STKLD1: variants seen among roughly 807,000 people sequenced by gnomAD.
The protein encoded by STKLD1 is serine/threonine kinase-like domain-containing protein STKLD1.
Under a neutral mutation model 80.4 loss-of-function variants are expected in STKLD1, and 79 were observed. That is an observed-to-expected ratio of 0.98 (90% confidence interval 0.82 to 1.19). The LOEUF is 1.19. STKLD1 is among the 50% of genes most tolerant of loss of function. The pLI is 0.00. For synonymous variants in STKLD1, 393 were observed against 357.6 expected (o/e 1.10, Z -1.12); for missense variants, 841 against 856.0 (o/e 0.98, Z 0.22).
chr9:133,380,626 C>T (rs926363746), intron 2 of STKLD1, among the ~76,000 whole-genome samples: 1 of 151,966 alleles, frequency 6.6e-6, no homozygotes, highest in Non-Finnish European at 1.5e-5. Context: ...GCACTCCAGC[C>T]TGGGTGACAC....
rs2130272391 is a variant in STKLD1 at position 133,384,270 on chromosome 9, C to G, written c.219+370C>G. On this transcript the variant is annotated intron_variant, in intron 3 of 17. Transcript: ENST00000371957. The surrounding 1 kb of genome is among the most constrained non-coding windows in gnomAD (Gnocchi z 4.3). ...CCTAGCCAACATGGGGAAACCCTGT[C>G]TCAACCAAAAATACAAAAAAATTAG... 5 of 185,134 alleles carry G rather than the reference C, an allele frequency of 2.7e-5. No homozygotes were observed. Among genetic ancestry groups the G allele is most frequent in the Admixed American group, 1.7e-4 (3 of 18,018 alleles). The allele number at this position is 185,134 out of a possible 1,614,324, so 11.5% of individuals were successfully genotyped here. A position where few individuals can be genotyped will look rare whatever the true frequency, so the allele number is the denominator to read the frequency against.
rs1312425631 is a variant in STKLD1, at chr9:133,384,953, A to G, written c.220-664A>G. 6.6e-6 allele frequency among the ~76,000 whole-genome samples: 1 copy of G among 152,160 alleles called. No individual in the cohort carries two copies. The highest frequency in any genetic ancestry group is 1.5e-5 in the Non-Finnish European group (1 of 68,038). On this transcript the variant is annotated intron_variant, in intron 3 of 17. Transcript: ENST00000371957. The surrounding 1 kb of genome is among the most constrained non-coding windows in gnomAD (Gnocchi z 4.3). ...TGCTGGCTCTGGAGCTTGGCCAGCA[A>G]ACATTATTGGGTGTATAGTGTGACC... is the stretch of plus-strand genomic sequence containing the variant.
chr9:133,400,480 C>G lies in STKLD1; in HGVS notation c.1149C>G (p.Leu383=), dbSNP rs143458184. ...CCATGGAGCTACATGACAGGGTCCTCGATGTCCAGCTGTGTGCCTGCTCCC... is the reference window on the plus strand; with the variant it reads ...CCATGGAGCTACATGACAGGGTCCTGGATGTCCAGCTGTGTGCCTGCTCCC... ...VTTMELHDRV[L]DVQLCACSLL... is the part of the protein sequence containing the mutation. Residue 383 remains leucine, a synonymous_variant, in exon 12 of 18, where the codon CTC becomes CTG. Transcript: ENST00000371957. 1 of 1,613,456 alleles carries G rather than the reference C, an allele frequency of 6.2e-7. No individual in the cohort carries two copies. Among genetic ancestry groups the G allele is most frequent in the Non-Finnish European group, 8.5e-7 (1 of 1,180,008 alleles).
chr9:133,399,602 G>A (rs4246171), intron 11 of STKLD1, among the ~76,000 whole-genome samples: 17,923 of 152,236 alleles, frequency 0.12, 1,393 homozygotes, highest in African/African-American at 0.22. Context: ...GCAGCCCAGC[G>A]CAGTGGCTCA....
chr9:133,405,574 G>A lies in STKLD1; in HGVS notation c.*153G>A, dbSNP rs940899220. 32 of 697,406 alleles carry A rather than the reference G, an allele frequency of 4.6e-5. No individual in the cohort carries two copies. The highest frequency in any genetic ancestry group is 7.4e-5 in the African/African-American group (4 of 53,856). 43.2% of individuals were successfully genotyped at this position (697,406 alleles called of 1,614,324 possible). A position where few individuals can be genotyped will look rare whatever the true frequency, so the allele number is the denominator to read the frequency against. ...TCCAAAGAGTTTCCTGTCCATGACTGCTGGATTGAGTCACATGAGTAACTG... is the reference window on the plus strand; with the variant it reads ...TCCAAAGAGTTTCCTGTCCATGACTACTGGATTGAGTCACATGAGTAACTG... On this transcript the variant is annotated 3_prime_UTR_variant, in exon 18 of 18. Transcript: ENST00000371957.
Position 133,395,707 on chromosome 9 carries a change from C to A in STKLD1, c.810C>A (p.Phe270Leu). ...EEKQIPDVET[F>L]RNLLPLMLQI... ...AGCAGATCCCGGATGTGGAAACCTTCAGGAATCTTCTGCCCTTGATGCTCC... is the reference window on the plus strand; with the variant it reads ...AGCAGATCCCGGATGTGGAAACCTTAAGGAATCTTCTGCCCTTGATGCTCC... Residue 270 changes from phenylalanine to leucine, a missense_variant, in exon 9 of 18, where the codon TTC (phenylalanine) becomes TTA (leucine). Physicochemically the swap from Phe to Leu is conservative, Grantham distance 22. Transcript: ENST00000371957. 6.2e-7 allele frequency: 1 copy of A among 1,613,548 alleles called. No homozygotes were observed. The highest frequency in any genetic ancestry group is 8.5e-7 in the Non-Finnish European group (1 of 1,180,016).
In STKLD1 at chr9:133,376,381, G is replaced by A; in HGVS notation, c.-93G>A. On this transcript the variant is annotated 5_prime_UTR_variant, in exon 1 of 18. Coordinates refer to ENST00000371957, the MANE Select transcript of STKLD1 (RefSeq NM_153710.5). The stretch of plus-strand genomic sequence containing the variant: ...AGGGACGCCTGAGTGCCTCGAGGGC[G>A]CCGTTCGGGCGGGGAGGATCCCGCG... The A allele has an allele frequency of 4.2e-6, 6 of 1,414,810 alleles. No homozygotes were observed. The highest frequency in any genetic ancestry group is 4.6e-6 in the Non-Finnish European group (5 of 1,075,582). The allele number at this position is 1,414,810 out of a possible 1,614,324, so 87.6% of individuals were successfully genotyped here.
chr9:133,405,558 T>A lies in STKLD1; in HGVS notation c.*137T>A. On this transcript the variant is annotated 3_prime_UTR_variant, in exon 18 of 18. Transcript: ENST00000371957. ...GGGGTAATCAGACCTCTCCAAAGAG[T>A]TTCCTGTCCATGACTGCTGGATTGA... is the stretch of plus-strand genomic sequence containing the variant. 1 of 850,478 alleles carries A rather than the reference T, an allele frequency of 1.2e-6. No individual in the cohort carries two copies. The highest frequency in any genetic ancestry group is 1.7e-6 in the Non-Finnish European group (1 of 581,188). The allele number at this position is 850,478 out of a possible 1,614,324, so 52.7% of individuals were successfully genotyped here.
In STKLD1 at chr9:133,394,477, T is replaced by C. The variant is rs1838506811; in HGVS notation, c.702+68T>C. 5 of 1,185,500 alleles carry C rather than the reference T, an allele frequency of 4.2e-6. No homozygotes were observed. The highest frequency in any genetic ancestry group is 6.3e-6 in the Non-Finnish European group (5 of 796,686). 73.4% of individuals were successfully genotyped at this position (1,185,500 alleles called of 1,614,324 possible). A position where few individuals can be genotyped will look rare whatever the true frequency, so the allele number is the denominator to read the frequency against. The stretch of plus-strand genomic sequence containing the variant: ...ACGCGCCCAGGCCTGGGGAAAAGGC[T>C]TGGCCTCACCCTGCCTCCCCTCTGC... On this transcript the variant is annotated intron_variant, in intron 8 of 17. Coordinates refer to ENST00000371957, the MANE Select transcript of STKLD1 (RefSeq NM_153710.5). This position sits in a 1 kb window ranked among gnomAD's most constrained non-coding sequence, Gnocchi z 4.9.
At chr9:133,395,526 CG>C (rs1205011918) in intron 8 of STKLD1, 73 bp from the exon 9 acceptor site, 2 of 1,499,624 alleles carry the variant, frequency 1.3e-6, no homozygotes, top group African/African-American at 1.4e-5. Context: ...GGTCCCTGGT[CG>C]TCCCCTGCCC....
Position 133,403,746 on chromosome 9 carries a change from C to G in STKLD1, c.1521C>G (p.Ile507Met). Residue 507 changes from isoleucine to methionine, a missense_variant, in exon 15 of 18, where the codon ATC (isoleucine) becomes ATG (methionine). Ile to Met is a conservative substitution (Grantham distance 10). Coordinates refer to ENST00000371957, the MANE Select transcript of STKLD1 (RefSeq NM_153710.5). ...KAPLEKVPDLISQVLATYPAD... is the reference protein window; with the variant it reads ...KAPLEKVPDLMSQVLATYPAD... ...CCTTGGAGAAGGTCCCGGACCTCAT[C>G]AGCCAGGTGTTGGCCACCTACCCTG... 6.2e-7 allele frequency: 1 copy of G among 1,613,846 alleles called. No homozygotes were observed. The highest frequency in any genetic ancestry group is 1.3e-5 in the African/African-American group (1 of 75,060).
At position 133,383,833 on chromosome 9, in the gene STKLD1, C is replaced by T. The variant is rs116667121; in HGVS notation, c.175-23C>T. 2.2e-4 allele frequency: 362 copies of T among 1,613,134 alleles called. 2 individuals carry two copies. The African/African-American group carries it at 4.5e-3, about 20-fold the overall frequency. On this transcript the variant is annotated intron_variant, in intron 2 of 17. Transcript: ENST00000371957. ...GATGATTTGCTACATGTTTATTAAGCTCATGCTCTTGTGCCCTTGCAGGTG... is the reference window on the plus strand; with the variant it reads ...GATGATTTGCTACATGTTTATTAAGTTCATGCTCTTGTGCCCTTGCAGGTG...
Position 133,405,334 on chromosome 9 carries a change from G to T in STKLD1, c.1956G>T (p.Val652=). 6.2e-7 allele frequency: 1 copy of T among 1,612,934 alleles called. No individual in the cohort carries two copies. The highest frequency in any genetic ancestry group is 1.3e-5 in the African/African-American group (1 of 75,054). ...AGGAGCGCTTCACCTCCAGCCTGGTGAGTGACAGCAGCGCCTTCAGCAAAC... is the reference window on the plus strand; with the variant it reads ...AGGAGCGCTTCACCTCCAGCCTGGTTAGTGACAGCAGCGCCTTCAGCAAAC... ...EIKERFTSSL[V]SDSSAFSKPG... The change falls in exon 18 of 18, where the codon GTG becomes GTT. Residue 652 remains valine (V), a synonymous_variant. Transcript: ENST00000371957.
At position 133,397,974 on chromosome 9, in the gene STKLD1, G is replaced by T. The variant is rs782048842; in HGVS notation, c.1000G>T (p.Val334Phe). The T allele has an allele frequency of 5.0e-6, 8 of 1,613,178 alleles. No homozygotes were observed. Among genetic ancestry groups the T allele is most frequent in the East Asian group, 2.2e-5 (1 of 44,880 alleles). Reference protein sequence around the residue: ...LEGNVASILEVMQKFSGWPEV... With the variant: ...LEGNVASILEFMQKFSGWPEV... ...CCCCTGCCTTCCTGTCCCTGCAGAG[G>T]TCATGCAGAAATTCTCTGGCTGGCC... Residue 334 changes from valine (V) to phenylalanine (F), a missense_variant and splice_region_variant, in exon 11 of 18, where the codon GTC (valine) becomes TTC (phenylalanine). Physicochemically the swap from Val to Phe is conservative, Grantham distance 50. Transcript: ENST00000371957.
intron 1 of STKLD1, 68 bp from the exon 2 acceptor site, chr9:133,378,968 G>A (rs1163613912): frequency 1.4e-6 from 2 of 1,437,342 alleles, no homozygotes; most frequent in Non-Finnish European, 1.9e-6. Flanking sequence ...AAAGGAGTTG[G>A]AGCTGGGCTT....
At chr9:133,397,889 C>T in intron 10 of STKLD1, 83 bp from the exon 11 acceptor site, 1 of 1,128,728 alleles carries the variant, frequency 8.9e-7, no homozygotes, top group Non-Finnish European at 1.3e-6. Flanking sequence ...CACACAGCAG[C>T]CAGCCCAGTG....
At position 133,396,475 on chromosome 9, in the gene STKLD1, C is replaced by T. The variant is rs587756859; in HGVS notation, c.867-689C>T. ...AAAACATATAACAAAGAATCCAGGC[C>T]GGACACGGTGGTTCACACCTGTAAT... On this transcript the variant is annotated intron_variant, in intron 9 of 17. Transcript: ENST00000371957. Among the ~76,000 whole-genome samples, 215 of 151,944 alleles carry T rather than the reference C, an allele frequency of 1.4e-3. 1 individual carries two copies. Among genetic ancestry groups the T allele is most frequent in the African/African-American group, 5.0e-3 (205 of 41,412 alleles).
rs1838824700 is a variant in STKLD1, at chr9:133,405,307, C to G, written c.1929C>G (p.Ile643Met). ...SSSMKALLQEIKERFTSSLVS... is the reference protein window; with the variant it reads ...SSSMKALLQEMKERFTSSLVS... ...GTATGAAGGCCCTGCTCCAGGAGAT[C>G]AAGGAGCGCTTCACCTCCAGCCTGG... The change falls in exon 18 of 18, where the codon ATC becomes ATG. Residue 643 changes from isoleucine to methionine, a missense_variant. Coordinates refer to ENST00000371957, the MANE Select transcript of STKLD1 (RefSeq NM_153710.5). 3.1e-6 allele frequency: 5 copies of G among 1,612,942 alleles called. No individual in the cohort carries two copies. The East Asian group carries it at 1.1e-4, about 36-fold the overall frequency.
chr9:133,389,524 A>G lies in STKLD1; in HGVS notation c.397-2A>G. The G allele has an allele frequency of 6.2e-7, 1 of 1,613,048 alleles. No homozygotes were observed. Among genetic ancestry groups the G allele is most frequent in the South Asian group, 1.1e-5 (1 of 91,014 alleles). ...TCCTGGCACCCCCTACTTCTCCCCC[A>G]GTGGATGCAGAATGTGCTGGGCCAG... is the stretch of plus-strand genomic sequence containing the variant. On this transcript the variant is annotated splice_acceptor_variant, in intron 5 of 17. Transcript: ENST00000371957. LOFTEE classifies it high-confidence loss of function. This position sits in a 1 kb window ranked among gnomAD's most constrained non-coding sequence, Gnocchi z 6.4.
Sources: gnomAD v4.1 joint callset for allele counts (sites outside exome capture counted in the v4.1 genomes callset) on GRCh38, gnomAD v4.1.1 for gene constraint, Gnocchi (gnomAD v3.1) non-coding constraint, MANE v1.5 for transcripts, NCBI Gene and HGNC (gene_info 2026-07-23, HGNC 2026-07-21) for gene names.